Variants in CARD6 observed in about 807,000 individuals in gnomAD.
The protein encoded by CARD6 is caspase recruitment domain family member 6, also known as caspase recruitment domain-containing protein 6.
Under a neutral mutation model 23.6 loss-of-function variants are expected in CARD6, and 27 were observed. The ratio of observed to expected loss-of-function variants is 1.14; its 90% CI spans 0.84 to 1.58. The LOEUF is 1.58. Among genes scored for constraint, CARD6 ranks in the 40% most tolerant of loss-of-function variants. CARD6 has a pLI of 0.00. For synonymous variants in CARD6, 397 were observed against 431.8 expected (o/e 0.92, Z 1.00); for missense variants, 1,214 against 1,209.9 (o/e 1.00, Z -0.05).
At chr5:40,850,479 CT>C (rs1383701148) in intron 2 of CARD6, among the ~76,000 whole-genome samples, 5 of 138,468 alleles carry the variant, frequency 3.6e-5, no homozygotes, top group Admixed American at 1.5e-4. Context: ...CTTTGGGAGG[CT>C]GAGGAGGGTG....
rs368155346 is a variant in CARD6 at position 40,854,455 on chromosome 5, C to T, written c.*9C>T. 4 of 1,593,550 alleles carry T rather than the reference C, an allele frequency of 2.5e-6. No homozygotes were observed. Among genetic ancestry groups the T allele is most frequent in the Non-Finnish European group, 3.4e-6 (4 of 1,162,270 alleles). Reference sequence around the variant, plus strand: ...GGGGAGGGAAGCATTAAAGAGCTAACTCCAGAGATCTATAAAGCATATCCT... The same window carrying T: ...GGGGAGGGAAGCATTAAAGAGCTAATTCCAGAGATCTATAAAGCATATCCT... On this transcript the variant is annotated 3_prime_UTR_variant, in exon 3 of 3. Transcript: ENST00000254691.
chr5:40,851,836 G>A (rs1421613276), intron 2 of CARD6, among the ~76,000 whole-genome samples: 2 of 151,904 alleles, frequency 1.3e-5, no homozygotes, highest in African/African-American at 2.4e-5. Flanking sequence ...AAAAAATAAT[G>A]CAGATGACTT....
intron 2 of CARD6, 25 bp from the exon 3 acceptor site, chr5:40,852,149 T>A: frequency 7.0e-7 from 1 of 1,436,724 alleles, no homozygotes; most frequent in East Asian, 2.3e-5. Flanking sequence ...GAACATGGCA[T>A]TCACTATTAT....
chr5:40,853,765 G>A lies in CARD6; in HGVS notation c.2433G>A (p.Ser811=), dbSNP rs374394123. ...KFSRVARGCH[S]NGTFGRLPRP... Reference sequence around the variant, plus strand: ...CCAGAGTTGCTCGGGGATGTCACTCGAATGGAACATTTGGGAGACTGCCAA... The same window carrying A: ...CCAGAGTTGCTCGGGGATGTCACTCAAATGGAACATTTGGGAGACTGCCAA... The change falls in exon 3 of 3, where the codon TCG becomes TCA. Residue 811 remains serine, a synonymous_variant. Coordinates refer to ENST00000254691, the MANE Select transcript of CARD6 (RefSeq NM_032587.4). 25 of 1,614,064 alleles carry A rather than the reference G, an allele frequency of 1.5e-5. No homozygotes were observed. Among genetic ancestry groups the A allele is most frequent in the African/African-American group, 8.0e-5 (6 of 74,930 alleles).
chr5:40,854,291 T>C lies in CARD6; in HGVS notation c.2959T>C (p.Cys987Arg). Residue 987 changes from cysteine (C) to arginine (R), a missense_variant, in exon 3 of 3, where the codon TGC becomes CGC. Coordinates refer to ENST00000254691, the MANE Select transcript of CARD6 (RefSeq NM_032587.4). ...SQPSQTKPSP[C>R]KSTQPKPSQP... ...GCCCTCCCAAACTAAACCTTCTCCA[T>C]GCAAATCTACTCAGCCTAAGCCAAG... 3 of 1,614,098 alleles carry C rather than the reference T, an allele frequency of 1.9e-6. No homozygotes were observed. The highest frequency in any genetic ancestry group is 2.5e-6 in the Non-Finnish European group (3 of 1,180,010).
intron 1 of CARD6, 130 bp from the exon 2 acceptor site, chr5:40,843,022 G>A: frequency 1.5e-6 from 1 of 657,512 alleles, no homozygotes; most frequent in Non-Finnish European, 2.5e-6. Context: ...TCGGCAACAA[G>A]AGTGAAACTC....
chr5:40,854,179 A>C lies in CARD6; in HGVS notation c.2847A>C (p.Pro949=). The change falls in exon 3 of 3, where the codon CCA becomes CCC. Residue 949 remains proline, a synonymous_variant. Coordinates refer to ENST00000254691, the MANE Select transcript of CARD6 (RefSeq NM_032587.4). ...SSQFKSDQSN[P]STVKHSQPKP... Reference sequence around the variant, plus strand: ...AGTTCAAATCCGATCAGTCCAACCCATCCACAGTCAAACACTCCCAGCCTA... The same window carrying C: ...AGTTCAAATCCGATCAGTCCAACCCCTCCACAGTCAAACACTCCCAGCCTA... 1 of 1,614,192 alleles carries C rather than the reference A, an allele frequency of 6.2e-7. No individual in the cohort carries two copies. Among genetic ancestry groups the C allele is most frequent in the Non-Finnish European group, 8.5e-7 (1 of 1,180,036 alleles).
chr5:40,852,070 G>A, intron 2 of CARD6, 104 bp from the exon 3 acceptor site: 2 of 701,378 alleles, frequency 2.9e-6, no homozygotes, highest in Middle Eastern at 8.0e-4. Flanking sequence ...TCATGCCCCT[G>A]GATTCCAGCC....
At position 40,854,502 on chromosome 5, in the gene CARD6, T is replaced by A; in HGVS notation, c.*56T>A. The A allele has an allele frequency of 7.2e-7, 1 of 1,380,394 alleles. No individual in the cohort carries two copies. The highest frequency in any genetic ancestry group is 1.0e-6 in the Non-Finnish European group (1 of 989,908). 85.5% of individuals were successfully genotyped at this position (1,380,394 alleles called of 1,614,324 possible). A position where few individuals can be genotyped will look rare whatever the true frequency, so the allele number is the denominator to read the frequency against. On this transcript the variant is annotated 3_prime_UTR_variant, in exon 3 of 3. Coordinates refer to ENST00000254691, the MANE Select transcript of CARD6 (RefSeq NM_032587.4). Reference sequence around the variant, plus strand: ...TCCTTTACCCAGGCCATTCCTATCATATAGTAAGCAGAAGAGTTGCCATGA... The same window carrying A: ...TCCTTTACCCAGGCCATTCCTATCAAATAGTAAGCAGAAGAGTTGCCATGA...
At position 40,853,407 on chromosome 5, in the gene CARD6, G is replaced by A. The variant is rs1199867071; in HGVS notation, c.2075G>A (p.Ser692Asn). Residue 692 changes from serine (S) to asparagine (N), a missense_variant, in exon 3 of 3, where the codon AGC (serine) becomes AAC (asparagine). By Grantham distance (46) the Ser-to-Asn change is conservative. Transcript: ENST00000254691. ...CAGCAAAGACACAGTCAGCTAAAAA[G>A]CTCATCTAAAAGCCAGGCTCTAATG... ...EGQQRHSQLK[S>N]SSKSQALMPI... The A allele has an allele frequency of 6.2e-7, 1 of 1,613,998 alleles. No homozygotes were observed. Among genetic ancestry groups the A allele is most frequent in the Non-Finnish European group, 8.5e-7 (1 of 1,180,042 alleles).
chr5:40,844,587 A>G (rs972961607), intron 2 of CARD6, among the ~76,000 whole-genome samples: 11 of 152,264 alleles, frequency 7.2e-5, no homozygotes, highest in Admixed American at 3.9e-4. Context: ...CATTGGAGTG[A>G]TATTGCCTGG....
rs1746160440 is a variant in CARD6 at position 40,854,714 on chromosome 5, T to A, written c.*268T>A. On this transcript the variant is annotated 3_prime_UTR_variant, in exon 3 of 3. Coordinates refer to ENST00000254691, the MANE Select transcript of CARD6 (RefSeq NM_032587.4). ...AAAGTGATTCTCCTGCCTCAGCCTC[T>A]CGAGTAGCTGGGATTACAGGCATGC... is the stretch of plus-strand genomic sequence containing the variant. 2.8e-6 allele frequency: 1 copy of A among 359,264 alleles called. No homozygotes were observed. Among genetic ancestry groups the A allele is most frequent in the Non-Finnish European group, 5.2e-6 (1 of 193,762 alleles). 22.3% of individuals were successfully genotyped at this position (359,264 alleles called of 1,614,324 possible).
Position 40,843,662 on chromosome 5 carries a change from C to T in CARD6, c.794C>T (p.Ser265Leu), listed in dbSNP as rs199850471. Residue 265 changes from serine (S) to leucine (L), a missense_variant, in exon 2 of 3, where the codon TCA becomes TTA. Ser to Leu is a moderately radical substitution (Grantham distance 145). Coordinates refer to ENST00000254691, the MANE Select transcript of CARD6 (RefSeq NM_032587.4). ...FSGEEPSYEGSETSLSLEEEQ... is the reference protein window; with the variant it reads ...FSGEEPSYEGLETSLSLEEEQ... ...GGTGAAGAACCAAGTTATGAGGGAT[C>T]AGAAACCAGCCTTTCATTGGAGGAG... The T allele has an allele frequency of 3.7e-4, 575 of 1,561,920 alleles. 6 individuals are homozygous for T. In the Middle Eastern group the frequency reaches 8.5e-3, roughly 23 times the overall value.
rs1746146899 is a variant in CARD6, at chr5:40,854,267, C to G, written c.2935C>G (p.Pro979Ala). The change falls in exon 3 of 3, where the codon CCC becomes GCC. Residue 979 changes from proline (P) to alanine (A), a missense_variant. Coordinates refer to ENST00000254691, the MANE Select transcript of CARD6 (RefSeq NM_032587.4). ...SSQTKSCQSQPSQTKPSPCKS... is the reference protein window; with the variant it reads ...SSQTKSCQSQASQTKPSPCKS... ...TCAGACAAAATCCTGTCAGTCCCAGCCCTCCCAAACTAAACCTTCTCCATG... is the reference window on the plus strand; with the variant it reads ...TCAGACAAAATCCTGTCAGTCCCAGGCCTCCCAAACTAAACCTTCTCCATG... 1 of 1,614,158 alleles carries G rather than the reference C, an allele frequency of 6.2e-7. No individual in the cohort carries two copies. Among genetic ancestry groups the G allele is most frequent in the Non-Finnish European group, 8.5e-7 (1 of 1,180,024 alleles).
rs147503563 is a variant in CARD6, at chr5:40,844,984, C to T, written c.841+1275C>T. ...CCGGGTTCAAGCGATTCACCTGCCT[C>T]AGCTCCCCAGGTAGCTGGGATTACA... is the stretch of plus-strand genomic sequence containing the variant. On this transcript the variant is annotated intron_variant, in intron 2 of 2. Coordinates refer to ENST00000254691, the MANE Select transcript of CARD6 (RefSeq NM_032587.4). Among the ~76,000 whole-genome samples the T allele has an allele frequency of 3.3e-5, 5 of 151,816 alleles. No individual in the cohort carries two copies. The East Asian group carries it at 9.8e-4, about 30-fold the overall frequency.
At chr5:40,843,084 C>A in intron 1 of CARD6, 68 bp from the exon 2 acceptor site, 1 of 938,236 alleles carries the variant, frequency 1.1e-6, no homozygotes. Context: ...AGCTTTGAGG[C>A]CTCAGGAACT....
intron 2 of CARD6, among the ~76,000 whole-genome samples, chr5:40,844,600 A>G (rs1325314910): frequency 2.0e-5 from 3 of 152,204 alleles, no homozygotes; most frequent in Non-Finnish European, 4.4e-5. Context: ...TTGCCTGGGA[A>G]AACAGACATC....
intron 2 of CARD6, among the ~76,000 whole-genome samples, chr5:40,846,818 A>G (rs1745974584): frequency 6.6e-6 from 1 of 152,310 alleles, no homozygotes; most frequent in South Asian, 2.1e-4. Flanking sequence ...GCTATTTACA[A>G]AATAAAGCCA....
Position 40,843,685 on chromosome 5 carries a change from G to A in CARD6, c.817G>A (p.Glu273Lys). Residue 273 changes from glutamate (E) to lysine (K), a missense_variant, in exon 2 of 3, where the codon GAG becomes AAG. Glu to Lys is a moderately conservative substitution (Grantham distance 56). Transcript: ENST00000254691. ...EGSETSLSLEEEQEKSIEERK... is the reference protein window; with the variant it reads ...EGSETSLSLEKEQEKSIEERK... ...ATCAGAAACCAGCCTTTCATTGGAG[G>A]AGGAACAGGAGAAAAGTATAGAAGG... The A allele has an allele frequency of 6.5e-7, 1 of 1,548,408 alleles. No individual in the cohort carries two copies. Among genetic ancestry groups the A allele is most frequent in the Non-Finnish European group, 8.6e-7 (1 of 1,156,242 alleles).
Sources: allele counts gnomAD v4.1 joint callset (sites outside exome capture counted in the v4.1 genomes callset), GRCh38; gene constraint gnomAD v4.1.1; transcripts MANE v1.5; gene names NCBI Gene and HGNC (gene_info 2026-07-23, HGNC 2026-07-21).